Variants in ZNF160 observed in about 807,000 individuals in gnomAD.
ZNF160 encodes zinc finger protein 160.
Under a neutral mutation model 13.1 loss-of-function variants are expected in ZNF160, and 9 were observed. The observed-to-expected ratio is 0.69, with a 90% CI of 0.41 to 1.20. ZNF160 has a LOEUF of 1.20. ZNF160 is among the 50% of genes most tolerant of loss of function. ZNF160 has a pLI of 0.01. For missense variants in ZNF160, 838 were observed against 988.0 expected (o/e 0.85, Z 2.04); for synonymous variants, 293 against 333.2 (o/e 0.88, Z 1.31).
chr19:53,083,297 G>T (rs1202567197), intron 3 of ZNF160, among the ~76,000 whole-genome samples: 1 of 152,060 alleles, frequency 6.6e-6, no homozygotes, highest in Non-Finnish European at 1.5e-5. Flanking sequence ...GGATATTCTG[G>T]CAACTCAGGC....
intron 3 of ZNF160, among the ~76,000 whole-genome samples, chr19:53,081,413 C>T (rs1308565763): frequency 6.6e-6 from 1 of 152,106 alleles, no homozygotes; most frequent in Admixed American, 6.5e-5. Flanking sequence ...AGCAAATCAA[C>T]AAGAAGAAGA....
At chr19:53,091,929 T>C (rs567793741) in intron 1 of ZNF160, among the ~76,000 whole-genome samples, 2 of 152,316 alleles carry the variant, frequency 1.3e-5, no homozygotes, top group African/African-American at 4.8e-5. Flanking sequence ...ATTGGTTAGG[T>C]CAATAACTTG....
chr19:53,093,059 T>C (rs1183905704), intron 1 of ZNF160, among the ~76,000 whole-genome samples: 1 of 152,230 alleles, frequency 6.6e-6, no homozygotes, highest in African/African-American at 2.4e-5. Flanking sequence ...ATGAAAGCCA[T>C]GAATCCATTT....
At chr19:53,075,858 A>G (rs1039507539) in intron 3 of ZNF160, 14 of 517,920 alleles carry the variant, frequency 2.7e-5, no homozygotes, top group Admixed American at 2.1e-4. Context: ...ACAGGCCACA[A>G]CTTGTGTTTG....
intron 3 of ZNF160, among the ~76,000 whole-genome samples, chr19:53,083,101 A>G (rs2084694570): frequency 6.6e-6 from 1 of 152,198 alleles, no homozygotes; most frequent in Admixed American, 6.5e-5. Flanking sequence ...CACCCTCAGG[A>G]ATCTCCACGT....
At chr19:53,078,759 T>C (rs1229721267) in intron 3 of ZNF160, among the ~76,000 whole-genome samples, 1 of 150,678 alleles carries the variant, frequency 6.6e-6, no homozygotes, top group East Asian at 1.9e-4. Context: ...AGAAAAAATC[T>C]GTATACTCTC....
chr19:53,095,797 A>G lies in ZNF160; in HGVS notation c.-353-4077T>C, dbSNP rs73935234. The G allele has an allele frequency of 4.1e-3, 603 of 146,346 alleles. 5 individuals are homozygous for G. The highest frequency in any genetic ancestry group is 0.014 in the African/African-American group (558 of 39,172). The allele number at this position is 146,346 out of a possible 1,614,324, so 9.1% of individuals were successfully genotyped here. ...CACAATTATAAAAGAGTCACGTTAC[A>G]TGAGATCAGCGTCTAACACAAAGCT... On this transcript the variant is annotated intron_variant, in intron 1 of 5. Transcript: ENST00000683776.
chr19:53,082,156 G>A (rs759354875), intron 3 of ZNF160, among the ~76,000 whole-genome samples: 2 of 152,128 alleles, frequency 1.3e-5, no homozygotes, highest in African/African-American at 4.8e-5. Flanking sequence ...ACTATCTATC[G>A]GGTACTATGT....
chr19:53,082,463 C>CT (rs1162220272), intron 3 of ZNF160, among the ~76,000 whole-genome samples: 3 of 152,134 alleles, frequency 2.0e-5, no homozygotes, highest in African/African-American at 7.2e-5. Flanking sequence ...AGGAGTACTG[C>CT]TTGAGCTCAA....
At chr19:53,099,573 C>G (rs574610086) in intron 1 of ZNF160, among the ~76,000 whole-genome samples, 1 of 152,030 alleles carries the variant, frequency 6.6e-6, no homozygotes, top group South Asian at 2.1e-4. Context: ...AGAAAGGCCT[C>G]CAAAGATGGT....
chr19:53,098,056 A>C (rs891338938), intron 1 of ZNF160, among the ~76,000 whole-genome samples: 1 of 152,192 alleles, frequency 6.6e-6, no homozygotes, highest in East Asian at 1.9e-4. Context: ...AAATTCCTGC[A>C]TGCAAATCTC....
chr19:53,092,593 C>A (rs550454479), intron 1 of ZNF160, among the ~76,000 whole-genome samples: 1 of 152,330 alleles, frequency 6.6e-6, no homozygotes, highest in Admixed American at 6.5e-5. Context: ...GGATTACAGG[C>A]GTGAGCTACC....
chr19:53,078,155 G>T (rs1269750165), intron 3 of ZNF160, among the ~76,000 whole-genome samples: 1 of 151,504 alleles, frequency 6.6e-6, no homozygotes, highest in Non-Finnish European at 1.5e-5. Context: ...CAGAAGAATC[G>T]CTTGGACCCA....
intron 1 of ZNF160, among the ~76,000 whole-genome samples, chr19:53,094,037 T>C (rs1310403082): frequency 6.6e-6 from 1 of 152,170 alleles, no homozygotes; most frequent in African/African-American, 2.4e-5. Flanking sequence ...CCCGATATCA[T>C]ACAAGGTAAC....
At chr19:53,086,367 A>C in intron 2 of ZNF160, 46 bp from the exon 3 acceptor site, 1 of 1,494,016 alleles carries the variant, frequency 6.7e-7, no homozygotes, top group Non-Finnish European at 9.0e-7. Flanking sequence ...CTGAATATCC[A>C]AAATATGCTG....
chr19:53,071,597 A>G (rs1240479748), intron 5 of ZNF160, among the ~76,000 whole-genome samples: 1 of 151,750 alleles, frequency 6.6e-6, no homozygotes, highest in Non-Finnish European at 1.5e-5. Flanking sequence ...CAAGAGTTCA[A>G]GGTTACAGTG....
chr19:53,101,896 T>G (rs972547277), intron 1 of ZNF160, among the ~76,000 whole-genome samples: 14 of 150,368 alleles, frequency 9.3e-5, no homozygotes, highest in African/African-American at 3.4e-4. Context: ...ACAATTTAAA[T>G]GTAACACATT....
chr19:53,068,748 T>G lies in ZNF160; in HGVS notation c.1786A>C (p.Asn596His). 6.2e-7 allele frequency: 1 copy of G among 1,614,218 alleles called. No homozygotes were observed. The highest frequency in any genetic ancestry group is 8.5e-7 in the Non-Finnish European group (1 of 1,180,028). ...VHTGEKPYKC[N>H]DCGRAFSDRS... The stretch of plus-strand genomic sequence containing the variant: ...TCACTAAAGGCTCTGCCACAGTCAT[T>G]ACACTTGTAAGGTTTTTCTCCAGTA... Residue 596 changes from asparagine (N) to histidine (H), a missense_variant, in exon 6 of 6, where the codon AAT becomes CAT. Transcript: ENST00000683776.
chr19:53,096,949 C>A (rs1350076198), intron 1 of ZNF160, among the ~76,000 whole-genome samples: 2 of 101,440 alleles, frequency 2.0e-5, no homozygotes, highest in African/African-American at 8.7e-5. Flanking sequence ...GAGGGGCACC[C>A]TGTGGGGATG....
Sources: gnomAD v4.1 joint callset for allele counts (sites outside exome capture counted in the v4.1 genomes callset) on GRCh38, gnomAD v4.1.1 for gene constraint, MANE v1.5 for transcripts, NCBI Gene and HGNC (gene_info 2026-07-23, HGNC 2026-07-21) for gene names.